The following CPNE8 variants were observed in gnomAD, a reference collection of about 807,000 sequenced individuals.
CPNE8 encodes copine-8.
In CPNE8, 45 loss-of-function variants were observed where a neutral mutation model predicts 81.5. That is an observed-to-expected ratio of 0.55 (90% CI 0.44 to 0.71). The LOEUF (loss-of-function observed/expected upper bound fraction) is 0.71, where lower values mean the gene tolerates loss of function less well. Ranked by LOEUF, CPNE8 falls within the 30% of genes least tolerant of loss-of-function variation. The pLI is 0.00. For synonymous variants in CPNE8, 252 were observed against 226.3 expected, an observed-to-expected ratio of 1.11 and a Z score of -1.02; for missense variants, 594 against 672.1, an observed-to-expected ratio of 0.88 and a Z score of 1.28.
At chr12:38,695,894 T>G (rs1291862358) in intron 14 of CPNE8, among the ~76,000 whole-genome samples, 2 of 152,058 alleles carry the variant, frequency 1.3e-5, no homozygotes, top group African/African-American at 4.8e-5. Flanking sequence ...GAGCCCCTGA[T>G]AGTGTCACTG....
At chr12:38,884,636 T>C (rs1035067796) in intron 1 of CPNE8, among the ~76,000 whole-genome samples, 2 of 152,212 alleles carry the variant, frequency 1.3e-5, no homozygotes, top group African/African-American at 2.4e-5. Flanking sequence ...CTGCATTATA[T>C]TACATTCCTA....
At chr12:38,872,867 C>G in intron 3 of CPNE8, 137 bp downstream of exon 3, 1 of 618,986 alleles carries the variant, frequency 1.6e-6, no homozygotes, top group Non-Finnish European at 2.8e-6. Flanking sequence ...ACAAAGGTAA[C>G]TTTCCTAAGA....
intron 4 of CPNE8, among the ~76,000 whole-genome samples, chr12:38,844,860 T>A (rs1943529154): frequency 6.6e-6 from 1 of 152,178 alleles, no homozygotes; most frequent in South Asian, 2.1e-4. Flanking sequence ...CAACAGGCAT[T>A]AAGTAAACCC....
intron 3 of CPNE8, among the ~76,000 whole-genome samples, chr12:38,871,862 G>A (rs370941733): frequency 2.1e-4 from 32 of 152,270 alleles, no homozygotes; most frequent in South Asian, 6.2e-4. Context: ...TGAGCTGGGC[G>A]TGGTGGCTCA....
intron 5 of CPNE8, among the ~76,000 whole-genome samples, chr12:38,833,534 A>C (rs1232232449): frequency 1.4e-5 from 2 of 139,320 alleles, no homozygotes; most frequent in African/African-American, 5.3e-5. Flanking sequence ...CCTGGAGTGC[A>C]GTGGAGCGAT....
At chr12:38,818,172 A>G (rs944329030) in intron 6 of CPNE8, among the ~76,000 whole-genome samples, 42 of 152,078 alleles carry the variant, frequency 2.8e-4, no homozygotes, top group African/African-American at 9.2e-4. Flanking sequence ...TCTGGGATGC[A>G]TGTGCAGAAA....
intron 3 of CPNE8, among the ~76,000 whole-genome samples, chr12:38,872,776 G>A (rs571327146): frequency 1.8e-4 from 27 of 152,200 alleles, no homozygotes; most frequent in African/African-American, 6.5e-4. Context: ...TCTGGATAAA[G>A]GAAGTACAAG....
At chr12:38,859,739 T>C (rs1037598665) in intron 3 of CPNE8, among the ~76,000 whole-genome samples, 1 of 152,106 alleles carries the variant, frequency 6.6e-6, no homozygotes, top group Non-Finnish European at 1.5e-5. Flanking sequence ...ATCATTAGAA[T>C]AGAAGAGAAA....
Position 38,715,931 on chromosome 12 carries a change from C to T in CPNE8, c.914+7841G>A, listed in dbSNP as rs545417530. ...CTAAAAAGCTCCTAGATCTGATAAACGAATTCAGTAAAGTCTCAGGTTACA... is the reference window on the plus strand; with the variant it reads ...CTAAAAAGCTCCTAGATCTGATAAATGAATTCAGTAAAGTCTCAGGTTACA... On this transcript the variant is annotated intron_variant, in intron 13 of 19. Transcript: ENST00000331366. Among the ~76,000 whole-genome samples, 16 of 152,084 alleles carry T rather than the reference C, an allele frequency of 1.1e-4. No homozygotes were observed. In the East Asian group the frequency reaches 2.7e-3, roughly 26 times the overall value.
intron 1 of CPNE8, among the ~76,000 whole-genome samples, chr12:38,904,943 A>C (rs1374422459): frequency 1.3e-5 from 2 of 152,162 alleles, no homozygotes; most frequent in African/African-American, 4.8e-5. Context: ...GGGGAGAAGC[A>C]AGCTGGAAGG....
rs929952524 is a variant in CPNE8 at position 38,666,094 on chromosome 12, G to A, written c.1506+4635C>T. ...AATATCTTATATACTTTTAATGCAC[G>A]TAAGAGGAAACTGAAACTTAGAAAG... On this transcript the variant is annotated intron_variant, in intron 19 of 19. Transcript: ENST00000331366. Among the ~76,000 whole-genome samples, 8 of 152,094 alleles carry A rather than the reference G, an allele frequency of 5.3e-5. No individual in the cohort carries two copies. The East Asian group carries it at 5.8e-4, about 11-fold the overall frequency.
intron 6 of CPNE8, among the ~76,000 whole-genome samples, chr12:38,797,487 T>G (rs1565621814): frequency 6.6e-6 from 1 of 152,004 alleles, no homozygotes; most frequent in Non-Finnish European, 1.5e-5. Context: ...CAGCTGAGGG[T>G]CCTGTCTGTT....
At chr12:38,807,735 A>G (rs1417341789) in intron 6 of CPNE8, among the ~76,000 whole-genome samples, 1 of 151,156 alleles carries the variant, frequency 6.6e-6, no homozygotes, top group East Asian at 1.9e-4. Context: ...TGGCAACAAA[A>G]GACATAATTG....
chr12:38,736,285 C>T (rs541158113), intron 10 of CPNE8, among the ~76,000 whole-genome samples: 1 of 146,328 alleles, frequency 6.8e-6, no homozygotes, highest in African/African-American at 2.5e-5. Context: ...GTTAATATTT[C>T]ATCTATTATG....
chr12:38,778,417 C>T (rs1941979547), intron 6 of CPNE8, among the ~76,000 whole-genome samples: 1 of 152,128 alleles, frequency 6.6e-6, no homozygotes, highest in African/African-American at 2.4e-5. Context: ...TTATTAAAAC[C>T]TATCTAAAAC....
At chr12:38,878,663 C>T (rs571076787) in intron 1 of CPNE8, among the ~76,000 whole-genome samples, 214 of 152,158 alleles carry the variant, frequency 1.4e-3, no homozygotes, top group African/African-American at 5.0e-3. Flanking sequence ...TATTGTCAGT[C>T]GGCATTCTGA....
intron 6 of CPNE8, among the ~76,000 whole-genome samples, chr12:38,799,358 A>G (rs12318532): frequency 0.022 from 3,353 of 152,332 alleles, 91 homozygotes; most frequent in South Asian, 0.12. Context: ...CTCAGACCAC[A>G]GTGCAATCAA....
intron 1 of CPNE8, among the ~76,000 whole-genome samples, chr12:38,903,460 C>A (rs1301523666): frequency 1.3e-5 from 2 of 152,214 alleles, no homozygotes; most frequent in Non-Finnish European, 2.9e-5. Flanking sequence ...AGCCAATTGA[C>A]TTCAGTATGC....
chr12:38,797,422 G>A (rs946389028), intron 6 of CPNE8, among the ~76,000 whole-genome samples: 50 of 152,178 alleles, frequency 3.3e-4, no homozygotes, highest in Admixed American at 3.2e-3. Flanking sequence ...CACGGCTGCG[G>A]ATACCCAGGC....
Sources: gnomAD v4.1 joint callset for allele counts (sites outside exome capture counted in the v4.1 genomes callset) on GRCh38, gnomAD v4.1.1 for gene constraint, MANE v1.5 for transcripts, NCBI Gene and HGNC (gene_info 2026-07-23, HGNC 2026-07-21) for gene names.